RAD51B: variants seen among roughly 807,000 people sequenced by gnomAD.
RAD51B encodes DNA repair protein RAD51 homolog 2.
Under a neutral mutation model 42.2 loss-of-function variants are expected in RAD51B, and 38 were observed. That is an observed-to-expected ratio of 0.90 (90% CI 0.70 to 1.18). The LOEUF (loss-of-function observed/expected upper bound fraction) is 1.18, where lower values mean the gene tolerates loss of function less well. RAD51B is among the 50% of genes most tolerant of loss of function. The pLI is 0.00. For synonymous variants in RAD51B, 154 were observed against 145.2 expected (o/e 1.06, Z -0.43); for missense variants, 373 against 400.7 (o/e 0.93, Z 0.59).
At chr14:68,426,978 C>T (rs991677107) in intron 9 of RAD51B, among the ~76,000 whole-genome samples, 1 of 152,184 alleles carries the variant, frequency 6.6e-6, no homozygotes, top group African/African-American at 2.4e-5. Flanking sequence ...TCTCTGCCAC[C>T]CAGTCATAGC....
At chr14:68,216,693 A>C (rs569105325) in intron 7 of RAD51B, among the ~76,000 whole-genome samples, 14 of 152,320 alleles carry the variant, frequency 9.2e-5, no homozygotes, top group Non-Finnish European at 1.8e-4. Context: ...ATTACAAAGA[A>C]GTATTTCAAA....
chr14:67,832,504 T>C (rs1179636248), intron 3 of RAD51B, among the ~76,000 whole-genome samples: 1 of 152,250 alleles, frequency 6.6e-6, no homozygotes, highest in Admixed American at 6.5e-5. Flanking sequence ...GTTATGTTCT[T>C]TAGGAAAAAA....
chr14:68,078,774 G>T (rs972302382), intron 7 of RAD51B, among the ~76,000 whole-genome samples: 1 of 152,188 alleles, frequency 6.6e-6, no homozygotes, highest in Non-Finnish European at 1.5e-5. Flanking sequence ...AGGACTGCTT[G>T]AGCCCAAGGG....
chr14:68,331,499 A>G (rs1415563527), intron 8 of RAD51B, among the ~76,000 whole-genome samples: 1 of 150,100 alleles, frequency 6.7e-6, no homozygotes, highest in South Asian at 2.1e-4. Flanking sequence ...TAGTTGGGCC[A>G]TTTTGTTGAG....
At chr14:68,661,290 C>T (rs1007119381) in intron 11 of RAD51B, among the ~76,000 whole-genome samples, 3 of 152,178 alleles carry the variant, frequency 2.0e-5, no homozygotes, top group East Asian at 3.9e-4. Flanking sequence ...AAATTATTCC[C>T]GCTTTACAGA....
intron 10 of RAD51B, among the ~76,000 whole-genome samples, chr14:68,617,957 G>T (rs576059234): frequency 6.9e-4 from 105 of 151,604 alleles, no homozygotes; most frequent in African/African-American, 2.5e-3. Flanking sequence ...ATGGCCAGAA[G>T]CAAAAATCTT....
intron 8 of RAD51B, among the ~76,000 whole-genome samples, chr14:68,305,566 G>T (rs2081843233): frequency 6.6e-6 from 1 of 152,228 alleles, no homozygotes; most frequent in African/African-American, 2.4e-5. Flanking sequence ...CTGTAGTACA[G>T]CATCTAATGA....
chr14:68,562,170 C>T, intron 10 of RAD51B: 6 of 985,396 alleles, frequency 6.1e-6, no homozygotes, highest in Non-Finnish European at 7.2e-6. Flanking sequence ...GCAACGCTTA[C>T]AACGCATCAA....
At chr14:68,543,212 A>C (rs1888057359) in intron 10 of RAD51B, among the ~76,000 whole-genome samples, 1 of 152,220 alleles carries the variant, frequency 6.6e-6, no homozygotes, top group Non-Finnish European at 1.5e-5. Flanking sequence ...TTTCTTTACA[A>C]AAATAGGTAG....
chr14:67,832,639 TACTTAA>T (rs2041093516), intron 3 of RAD51B, among the ~76,000 whole-genome samples: 1 of 152,216 alleles, frequency 6.6e-6, no homozygotes, highest in Admixed American at 6.5e-5. Flanking sequence ...GTATGTAAAG[TACTTAA>T]TACAGCACAT....
intron 4 of RAD51B, among the ~76,000 whole-genome samples, chr14:67,854,662 C>T (rs1026338509): frequency 6.9e-6 from 1 of 145,638 alleles, no homozygotes; most frequent in African/African-American, 2.5e-5. Context: ...TCAGAGATAT[C>T]ATCAAAAAAG....
chr14:68,414,649 ACT>A lies in RAD51B; in HGVS notation c.957+3125_957+3126del, dbSNP rs567047489. ...AGTGGTTAAAACAGTAACTGCTTTGACTCTAAAGGAAGGTAACATCATCAGAG... is the reference window on the plus strand; with the variant it reads ...AGTGGTTAAAACAGTAACTGCTTTGACTAAAGGAAGGTAACATCATCAGAG... On this transcript the variant is annotated intron_variant, in intron 9 of 10. Transcript: ENST00000471583. Among the ~76,000 whole-genome samples, 85 of 151,998 alleles carry A rather than the reference ACT, an allele frequency of 5.6e-4. 1 individual carries two copies. The highest frequency in any genetic ancestry group is 3.4e-3 in the Middle Eastern group (1 of 294).
chr14:67,940,843 G>A (rs1275894850), intron 7 of RAD51B, among the ~76,000 whole-genome samples: 1 of 151,852 alleles, frequency 6.6e-6, no homozygotes, highest in Non-Finnish European at 1.5e-5. Flanking sequence ...TTATACAAAT[G>A]TTCGCTGAAA....
chr14:68,279,225 C>T (rs978776645), intron 7 of RAD51B, among the ~76,000 whole-genome samples: 15 of 152,178 alleles, frequency 9.9e-5, no homozygotes, highest in Non-Finnish European at 2.2e-4. Context: ...GAAGGAACAC[C>T]GTGTTGTCAA....
chr14:67,887,411 A>G, intron 7 of RAD51B: 1 of 418,514 alleles, frequency 2.4e-6, no homozygotes, highest in Non-Finnish European at 4.2e-6. Flanking sequence ...TATTTTAATA[A>G]TTTGAGTCTG....
chr14:68,079,742 G>A (rs868138532), intron 7 of RAD51B, among the ~76,000 whole-genome samples: 2 of 152,100 alleles, frequency 1.3e-5, no homozygotes, highest in Non-Finnish European at 1.5e-5. Context: ...TCACTGCATA[G>A]GATATTAGAC....
chr14:68,424,660 A>G (rs1369265912), intron 9 of RAD51B, among the ~76,000 whole-genome samples: 1 of 152,132 alleles, frequency 6.6e-6, no homozygotes, highest in Non-Finnish European at 1.5e-5. Context: ...TTTCTCATGT[A>G]GATTTGCTAA....
rs541483616 is a variant in RAD51B, at chr14:68,568,389, C to A, written c.1037-26096C>A. 5.3e-5 allele frequency among the ~76,000 whole-genome samples: 8 copies of A among 152,278 alleles called. No individual in the cohort carries two copies. In the South Asian group the frequency reaches 1.5e-3, roughly 28 times the overall value. On this transcript the variant is annotated intron_variant, in intron 10 of 10. Transcript: ENST00000487270. The stretch of plus-strand genomic sequence containing the variant: ...TTTCAGAGAGCTGCAAGTGGTACAG[C>A]TTATTTTCTGATGATAAAACCAGAA...
At chr14:68,034,609 T>C (rs2076094027) in intron 7 of RAD51B, among the ~76,000 whole-genome samples, 1 of 152,188 alleles carries the variant, frequency 6.6e-6, no homozygotes. Flanking sequence ...GTTGAAAAGA[T>C]AGTTTATTTA....
Sources: allele counts gnomAD v4.1 joint callset (sites outside exome capture counted in the v4.1 genomes callset), GRCh38; gene constraint gnomAD v4.1.1; transcripts MANE v1.5; gene names NCBI Gene and HGNC (gene_info 2026-07-23, HGNC 2026-07-21).